The following PDE11A variants were observed in gnomAD, a reference collection of about 807,000 sequenced individuals.
The protein encoded by PDE11A is dual 3',5'-cyclic-AMP and -GMP phosphodiesterase 11A.
PDE11A carries 100 observed loss-of-function variants against 100.5 expected under a neutral mutation model. That is an observed-to-expected ratio of 1.00 (90% CI 0.85 to 1.18). The LOEUF (loss-of-function observed/expected upper bound fraction) is 1.18. Ranked by LOEUF, PDE11A falls within the 50% of genes most tolerant of loss-of-function variation. The pLI, the probability that PDE11A is intolerant of heterozygous loss-of-function variation, is 0.00. For missense variants in PDE11A, 1,141 were observed against 1,152.6 expected (o/e 0.99, Z 0.15); for synonymous variants, 381 against 420.8 (o/e 0.91, Z 1.16).
intron 1 of PDE11A, among the ~76,000 whole-genome samples, chr2:178,050,126 G>A (rs943992775): frequency 2.0e-5 from 3 of 152,048 alleles, no homozygotes; most frequent in African/African-American, 7.2e-5. Flanking sequence ...CACCTCATAC[G>A]GCCAGGTGCC....
intron 2 of PDE11A, among the ~76,000 whole-genome samples, chr2:177,918,923 A>T (rs924599227): frequency 6.6e-6 from 1 of 152,180 alleles, no homozygotes; most frequent in Non-Finnish European, 1.5e-5. Context: ...GAAAATTCCT[A>T]TGCTATTCAA....
chr2:177,994,047 C>T (rs2086038957), intron 2 of PDE11A, among the ~76,000 whole-genome samples: 1 of 151,022 alleles, frequency 6.6e-6, no homozygotes, highest in Non-Finnish European at 1.5e-5. Context: ...TCTGCTGCTT[C>T]AGCTGGCCAA....
At chr2:177,878,429 C>T (rs1470147912) in intron 4 of PDE11A, among the ~76,000 whole-genome samples, 4 of 152,120 alleles carry the variant, frequency 2.6e-5, no homozygotes, top group African/African-American at 9.7e-5. Context: ...TGCAACACAG[C>T]TTCTGCCTTG....
intron 2 of PDE11A, among the ~76,000 whole-genome samples, chr2:178,094,452 A>G (rs2087463909): frequency 6.6e-6 from 1 of 152,188 alleles, no homozygotes. Flanking sequence ...TGATCAGTTG[A>G]GTCCAGGATG....
chr2:178,007,472 T>C (rs1402513726), intron 2 of PDE11A, among the ~76,000 whole-genome samples: 1 of 152,174 alleles, frequency 6.6e-6, no homozygotes, highest in Non-Finnish European at 1.5e-5. Context: ...AATTATAGTT[T>C]CACAGTGATC....
chr2:178,000,345 G>A (rs2086129382), intron 2 of PDE11A, among the ~76,000 whole-genome samples: 1 of 152,140 alleles, frequency 6.6e-6, no homozygotes, highest in Admixed American at 6.6e-5. Context: ...AATATGATGT[G>A]GCTTCATTTA....
intron 9 of PDE11A, among the ~76,000 whole-genome samples, chr2:177,809,867 C>G (rs2082922724): frequency 1.3e-5 from 2 of 152,122 alleles, no homozygotes; most frequent in African/African-American, 4.8e-5. Context: ...AATGAAGTGG[C>G]ATTCTACTTG....
intron 9 of PDE11A, among the ~76,000 whole-genome samples, chr2:177,783,137 A>AC (rs1451448856): frequency 6.6e-6 from 1 of 152,118 alleles, no homozygotes; most frequent in Admixed American, 6.5e-5. Context: ...GTATAATAAC[A>AC]CAATTCTCTT....
intron 15 of PDE11A, chr2:177,687,209 C>T (rs896632967): frequency 2.0e-5 from 3 of 152,136 alleles, no homozygotes; most frequent in African/African-American, 4.8e-5. Flanking sequence ...ATAGAGTTTC[C>T]ATCTACCTCC....
intron 2 of PDE11A, 135 bp from the exon 3 acceptor site, chr2:177,905,322 T>G: frequency 1.7e-6 from 1 of 589,252 alleles, no homozygotes; most frequent in Non-Finnish European, 3.0e-6. Context: ...ATACAGAGAG[T>G]TGTTGATACT....
At chr2:177,768,216 C>T (rs143116685) in intron 10 of PDE11A, among the ~76,000 whole-genome samples, 2,496 of 151,644 alleles carry the variant, frequency 0.016, 59 homozygotes, top group African/African-American at 0.054. Flanking sequence ...ATCATTCATG[C>T]GCTTGTGTTT....
intron 19 of PDE11A, among the ~76,000 whole-genome samples, chr2:177,631,322 A>AAAAAAAC (rs1469522170): frequency 3.6e-4 from 6 of 16,886 alleles, no homozygotes; most frequent in African/African-American, 4.6e-4. Flanking sequence ...AAAAAAAAAA[A>AAAAAAAC]CAACCTAGGC....
intron 9 of PDE11A, among the ~76,000 whole-genome samples, chr2:177,774,408 G>T (rs572534173): frequency 2.6e-5 from 4 of 152,172 alleles, no homozygotes; most frequent in Non-Finnish European, 4.4e-5. Context: ...CAAATCCATT[G>T]ATGAATCTCC....
intron 3 of PDE11A, among the ~76,000 whole-genome samples, chr2:177,904,606 G>A (rs1166741336): frequency 1.3e-5 from 2 of 148,944 alleles, no homozygotes; most frequent in Non-Finnish European, 3.0e-5. Flanking sequence ...CTAGGCTGGA[G>A]TGCAGTGGTG....
chr2:177,689,477 T>TA (rs2081009762), intron 15 of PDE11A, among the ~76,000 whole-genome samples: 1 of 152,156 alleles, frequency 6.6e-6, no homozygotes, highest in Non-Finnish European at 1.5e-5. Context: ...TTGGTCTTCT[T>TA]ACAGCTTGCT....
In PDE11A at chr2:178,016,372, A is replaced by G. The variant is rs2105829007; in HGVS notation, c.913-1912T>C. ...ACCCCAGAGAGAGGAGAGTCCAATT[A>G]AAGAGAGGGAAATCAAAACCCAAAC... On this transcript the variant is annotated intron_variant, in intron 1 of 19. Transcript: ENST00000286063. Among the ~76,000 whole-genome samples, 2 of 152,112 alleles carry G rather than the reference A, an allele frequency of 1.3e-5. 1 individual carries two copies. Among genetic ancestry groups the G allele is most frequent in the South Asian group, 4.2e-4 (2 of 4,810 alleles).
chr2:177,929,637 A>C (rs535829696), intron 2 of PDE11A, among the ~76,000 whole-genome samples: 1 of 152,248 alleles, frequency 6.6e-6, no homozygotes, highest in East Asian at 1.9e-4. Context: ...TTTTACAGTT[A>C]ATCTCAATTA....
At chr2:177,845,843 A>G (rs1456593917) in intron 5 of PDE11A, among the ~76,000 whole-genome samples, 1 of 152,208 alleles carries the variant, frequency 6.6e-6, no homozygotes, top group Admixed American at 6.5e-5. Flanking sequence ...GGCCTGGCCA[A>G]CACAGCGAAA....
intron 2 of PDE11A, among the ~76,000 whole-genome samples, chr2:177,937,781 C>G (rs954875208): frequency 1.3e-5 from 2 of 152,192 alleles, no homozygotes; most frequent in African/African-American, 4.8e-5. Context: ...ATACCCCAGA[C>G]AGGATGCAGA....
Sources: allele counts gnomAD v4.1 joint callset (sites outside exome capture counted in the v4.1 genomes callset), GRCh38; gene constraint gnomAD v4.1.1; transcripts MANE v1.5; gene names NCBI Gene and HGNC (gene_info 2026-07-23, HGNC 2026-07-21).